The following FBXL7 variants were observed in gnomAD, a reference collection of about 807,000 sequenced individuals.
FBXL7 encodes the protein F-box and leucine rich repeat protein 7, also known as F-box/LRR-repeat protein 7.
In FBXL7, 12 loss-of-function variants were observed where a neutral mutation model predicts 38.3. That is an observed-to-expected ratio of 0.31 (90% CI 0.20 to 0.51). FBXL7 has a LOEUF of 0.51. Ranked by LOEUF, FBXL7 falls within the 20% of genes least tolerant of loss-of-function variation. The pLI, the probability that FBXL7 is intolerant of heterozygous loss-of-function variation, is 0.98. For synonymous variants in FBXL7, 297 were observed against 300.9 expected (o/e 0.99, Z 0.13); for missense variants, 567 against 676.4 (o/e 0.84, Z 1.79).
intron 2 of FBXL7, among the ~76,000 whole-genome samples, chr5:15,782,485 A>G (rs1737023180): frequency 6.6e-6 from 1 of 152,134 alleles, no homozygotes; most frequent in Non-Finnish European, 1.5e-5. Context: ...CCTCTCCAGC[A>G]TCTCGTTTCC....
intron 2 of FBXL7, among the ~76,000 whole-genome samples, chr5:15,793,927 C>G (rs1407903209): frequency 6.6e-6 from 1 of 152,208 alleles, no homozygotes; most frequent in Non-Finnish European, 1.5e-5. Context: ...GCCATGTGCG[C>G]CTCTCCCATG....
At chr5:15,543,853 A>G (rs1456261899) in intron 1 of FBXL7, among the ~76,000 whole-genome samples, 1 of 152,190 alleles carries the variant, frequency 6.6e-6, no homozygotes, top group Non-Finnish European at 1.5e-5. Context: ...GGCCCGGGAA[A>G]TAAATGTCCT....
chr5:15,729,819 C>T (rs1473429433), intron 2 of FBXL7, among the ~76,000 whole-genome samples: 1 of 152,088 alleles, frequency 6.6e-6, no homozygotes, highest in Non-Finnish European at 1.5e-5. Flanking sequence ...TGATCCTCAC[C>T]ACAAATCTAA....
At chr5:15,824,156 C>T (rs1057274818) in intron 2 of FBXL7, among the ~76,000 whole-genome samples, 9 of 151,538 alleles carry the variant, frequency 5.9e-5, no homozygotes, top group Non-Finnish European at 5.9e-5. Flanking sequence ...ATTAGCTGGG[C>T]GTGGTGGCAC....
At chr5:15,929,741 A>G (rs551912801) in intron 3 of FBXL7, among the ~76,000 whole-genome samples, 18 of 152,270 alleles carry the variant, frequency 1.2e-4, no homozygotes, top group Non-Finnish European at 1.9e-4. Flanking sequence ...GGCGCCAGAC[A>G]TGATCTGCCT....
At chr5:15,883,161 A>AAAAT (rs1015090762) in intron 2 of FBXL7, among the ~76,000 whole-genome samples, 6 of 152,202 alleles carry the variant, frequency 3.9e-5, no homozygotes, top group Non-Finnish European at 8.8e-5. Flanking sequence ...GTTAAGGTAG[A>AAAAT]AAATATAAGG....
chr5:15,500,609 C>T lies in FBXL7; in HGVS notation c.-68C>T, dbSNP rs1257983534. ...TCCCGTCGGGCGGGCTTTCCTCGGG[C>T]CGAGCGCGCAGGACGTGCGCCGCAG... is the stretch of plus-strand genomic sequence containing the variant. On this transcript the variant is annotated 5_prime_UTR_variant, in exon 1 of 4. Transcript: ENST00000504595. 1.2e-6 allele frequency: 2 copies of T among 1,607,530 alleles called. No homozygotes were observed. The highest frequency in any genetic ancestry group is 8.5e-7 in the Non-Finnish European group (1 of 1,174,634).
At chr5:15,732,825 A>T (rs1735626873) in intron 2 of FBXL7, among the ~76,000 whole-genome samples, 1 of 152,220 alleles carries the variant, frequency 6.6e-6, no homozygotes, top group African/African-American at 2.4e-5. Flanking sequence ...TTGCCCTTGC[A>T]CTTTAATCTG....
chr5:15,526,575 T>G (rs1737256432), intron 1 of FBXL7, among the ~76,000 whole-genome samples: 1 of 152,058 alleles, frequency 6.6e-6, no homozygotes, highest in Non-Finnish European at 1.5e-5. Context: ...GAGCCCTTAT[T>G]CAAAACAGAC....
At chr5:15,762,307 C>T (rs1411910054) in intron 2 of FBXL7, among the ~76,000 whole-genome samples, 2 of 152,066 alleles carry the variant, frequency 1.3e-5, no homozygotes, top group Non-Finnish European at 2.9e-5. Context: ...GAAGTTATAG[C>T]CTTTTATAAC....
chr5:15,894,088 C>T (rs1741020645), intron 2 of FBXL7, among the ~76,000 whole-genome samples: 1 of 152,222 alleles, frequency 6.6e-6, no homozygotes, highest in Non-Finnish European at 1.5e-5. Flanking sequence ...ACCAGCCTGA[C>T]CAACAGAGAA....
intron 2 of FBXL7, among the ~76,000 whole-genome samples, chr5:15,864,689 G>T (rs1391051052): frequency 1.3e-5 from 2 of 152,204 alleles, no homozygotes; most frequent in Admixed American, 1.3e-4. Flanking sequence ...AAAGTTACTG[G>T]GAGGAACCAG....
intron 2 of FBXL7, among the ~76,000 whole-genome samples, chr5:15,869,973 G>A (rs1561163004): frequency 6.6e-6 from 1 of 152,056 alleles, no homozygotes; most frequent in Non-Finnish European, 1.5e-5. Flanking sequence ...AGCTGGATGT[G>A]GTGGCACACT....
chr5:15,849,342 C>T (rs1231805511), intron 2 of FBXL7, among the ~76,000 whole-genome samples: 6 of 152,136 alleles, frequency 3.9e-5, no homozygotes, highest in Non-Finnish European at 5.9e-5. Context: ...ATAGAATTAG[C>T]GAATTAGAAA....
At chr5:15,862,869 A>C (rs975201256) in intron 2 of FBXL7, among the ~76,000 whole-genome samples, 2 of 152,172 alleles carry the variant, frequency 1.3e-5, no homozygotes, top group African/African-American at 4.8e-5. Context: ...ACGTGGAGGA[A>C]AGGGATTCTG....
At chr5:15,619,410 C>T (rs142439014) in intron 2 of FBXL7, among the ~76,000 whole-genome samples, 2,583 of 152,276 alleles carry the variant, frequency 0.017, 37 homozygotes, top group Middle Eastern at 0.044. Flanking sequence ...AAGCCGTCTC[C>T]TGCCCTGCTC....
At chr5:15,897,785 T>C (rs1741139634) in intron 2 of FBXL7, among the ~76,000 whole-genome samples, 1 of 151,544 alleles carries the variant, frequency 6.6e-6, no homozygotes, top group Non-Finnish European at 1.5e-5. Context: ...AGAACTTTGT[T>C]TGGAATTCAG....
intron 2 of FBXL7, among the ~76,000 whole-genome samples, chr5:15,905,036 C>A (rs567208480): frequency 6.6e-6 from 1 of 152,298 alleles, no homozygotes; most frequent in African/African-American, 2.4e-5. Flanking sequence ...TGCTTCTCTG[C>A]ACTACATTTA....
intron 1 of FBXL7, among the ~76,000 whole-genome samples, chr5:15,534,396 A>C (rs983267390): frequency 6.6e-6 from 1 of 152,066 alleles, no homozygotes; most frequent in Non-Finnish European, 1.5e-5. Context: ...TCAGAGTGTC[A>C]TGTAGTTGAA....
Sources: gnomAD v4.1 joint callset for allele counts (sites outside exome capture counted in the v4.1 genomes callset) on GRCh38, gnomAD v4.1.1 for gene constraint, MANE v1.5 for transcripts, NCBI Gene and HGNC (gene_info 2026-07-23, HGNC 2026-07-21) for gene names.